CCNY: variants seen among roughly 807,000 people sequenced by gnomAD.
CCNY encodes cyclin Y, also known as cyclin-Y.
In CCNY, 19 loss-of-function variants were observed where a neutral mutation model predicts 42.8. That is an observed-to-expected ratio of 0.44 (90% CI 0.31 to 0.65). The LOEUF is 0.65. Among genes scored for constraint, CCNY ranks in the 30% least tolerant of loss-of-function variants. The pLI is 0.07. For synonymous variants in CCNY, 165 were observed against 162.7 expected (o/e 1.01, Z -0.11); for missense variants, 370 against 437.3 (o/e 0.85, Z 1.37).
At chr10:35,294,577 T>G (rs1835449420) in intron 3 of CCNY, among the ~76,000 whole-genome samples, 1 of 152,258 alleles carries the variant, frequency 6.6e-6, no homozygotes, top group African/African-American at 2.4e-5. Context: ...GATCTTCAGA[T>G]GTTAAACCAC....
chr10:35,399,871 T>G (rs921879537), intron 1 of CCNY, among the ~76,000 whole-genome samples: 1 of 152,182 alleles, frequency 6.6e-6, no homozygotes, highest in African/African-American at 2.4e-5. Flanking sequence ...TCCTGTAGAT[T>G]GGAGATGTTC....
intron 7 of CCNY, among the ~76,000 whole-genome samples, chr10:35,547,836 A>C (rs1841148981): frequency 1.3e-5 from 2 of 152,150 alleles, no homozygotes; most frequent in African/African-American, 4.8e-5. Flanking sequence ...CAGGCTTCCT[A>C]TCCAGGGAAG....
intron 1 of CCNY, among the ~76,000 whole-genome samples, chr10:35,352,570 G>A (rs952699568): frequency 9.5e-4 from 144 of 152,298 alleles, no homozygotes; most frequent in Middle Eastern, 3.4e-3. Context: ...TCTTCAGTAG[G>A]TCAACAACCA....
At chr10:35,496,726 A>G (rs1489542587) in intron 2 of CCNY, among the ~76,000 whole-genome samples, 1 of 152,224 alleles carries the variant, frequency 6.6e-6, no homozygotes, top group Non-Finnish European at 1.5e-5. Flanking sequence ...TTAAATGCCT[A>G]CCTATGACAG....
chr10:35,434,351 T>C (rs1482739349), intron 1 of CCNY: 1 of 152,238 alleles, frequency 6.6e-6, no homozygotes, highest in Non-Finnish European at 1.5e-5. Flanking sequence ...ACAAATGCGT[T>C]ATGACCCTGA....
intron 2 of CCNY, among the ~76,000 whole-genome samples, chr10:35,495,364 C>T (rs1159903046): frequency 2.0e-5 from 3 of 152,190 alleles, no homozygotes; most frequent in Non-Finnish European, 4.4e-5. Flanking sequence ...TAGATATTCT[C>T]TGTGAGAAAC....
intron 4 of CCNY, among the ~76,000 whole-genome samples, chr10:35,518,170 CACTT>C (rs1332197406): frequency 6.6e-6 from 1 of 152,224 alleles, no homozygotes; most frequent in Non-Finnish European, 1.5e-5. Context: ...GTGACACAGA[CACTT>C]AGGAGCCTAG....
chr10:35,546,306 A>G (rs1841115570), intron 7 of CCNY, among the ~76,000 whole-genome samples: 1 of 152,190 alleles, frequency 6.6e-6, no homozygotes, highest in Admixed American at 6.5e-5. Flanking sequence ...CAATTCCACA[A>G]GTTTTATCCC....
At chr10:35,260,665 T>A (rs2090465708) in intron 3 of CCNY, among the ~76,000 whole-genome samples, 1 of 152,226 alleles carries the variant, frequency 6.6e-6, no homozygotes, top group South Asian at 2.1e-4. Flanking sequence ...CCAGTTAACA[T>A]TGCCAGGCAG....
chr10:35,519,784 T>TTTTC (rs1840509011), intron 4 of CCNY, among the ~76,000 whole-genome samples: 1 of 133,026 alleles, frequency 7.5e-6, no homozygotes, highest in Non-Finnish European at 1.6e-5. Context: ...TTCTTTTTTT[T>TTTTC]TTTTTTTTTT....
chr10:35,283,586 G>A (rs1835321426), intron 3 of CCNY, among the ~76,000 whole-genome samples: 1 of 152,008 alleles, frequency 6.6e-6, no homozygotes, highest in South Asian at 2.1e-4. Context: ...TGTATTTTTA[G>A]TAGAGATGGG....
intron 2 of CCNY, among the ~76,000 whole-genome samples, chr10:35,248,509 G>T (rs909359646): frequency 6.6e-6 from 1 of 152,108 alleles, no homozygotes; most frequent in Non-Finnish European, 1.5e-5. Flanking sequence ...AGCTGGGCAT[G>T]GTCGTGCATG....
chr10:35,542,314 G>A (rs1189766570), intron 7 of CCNY, among the ~76,000 whole-genome samples: 1 of 151,528 alleles, frequency 6.6e-6, no homozygotes, highest in Non-Finnish European at 1.5e-5. Flanking sequence ...AAATAACAAA[G>A]GTAAAGCACC....
At chr10:35,273,624 C>G (rs1835200466) in intron 3 of CCNY, among the ~76,000 whole-genome samples, 1 of 152,088 alleles carries the variant, frequency 6.6e-6, no homozygotes, top group Non-Finnish European at 1.5e-5. Context: ...AAACTGTGAC[C>G]TGGTGGATTT....
chr10:35,523,514 T>C lies in CCNY; in HGVS notation c.366-2450T>C, dbSNP rs1840591045. 2.6e-5 allele frequency among the ~76,000 whole-genome samples: 4 copies of C among 152,270 alleles called. No individual in the cohort carries two copies. In the South Asian group the frequency reaches 8.3e-4, roughly 32 times the overall value. ...GAGCTGTACTGTGCCTGAACCCTCA[T>C]CCTGGTGGTCTCACTTCTGGGATAT... On this transcript the variant is annotated intron_variant, in intron 4 of 9. Transcript: ENST00000374704.
intron 3 of CCNY, among the ~76,000 whole-genome samples, chr10:35,260,529 A>T (rs1165913184): frequency 6.6e-6 from 1 of 152,202 alleles, no homozygotes; most frequent in Admixed American, 6.6e-5. Context: ...TATGGGTTTC[A>T]CCCTAAGAAA....
intron 3 of CCNY, among the ~76,000 whole-genome samples, chr10:35,278,197 A>G (rs922693674): frequency 1.3e-5 from 2 of 152,110 alleles, no homozygotes; most frequent in African/African-American, 4.8e-5. Flanking sequence ...TCATCCTATC[A>G]TTAGGGACTG....
chr10:35,256,365 T>C (rs1216121423), intron 3 of CCNY, among the ~76,000 whole-genome samples: 2 of 152,176 alleles, frequency 1.3e-5, no homozygotes, highest in Non-Finnish European at 2.9e-5. Flanking sequence ...TCTGCAACTA[T>C]TTTCTCTGGT....
chr10:35,460,754 G>A (rs146017992), intron 1 of CCNY, among the ~76,000 whole-genome samples: 6 of 152,280 alleles, frequency 3.9e-5, no homozygotes, highest in African/African-American at 7.2e-5. Context: ...CCTATGGCAC[G>A]GCACAGTATC....
Sources: gnomAD v4.1 joint callset for allele counts (sites outside exome capture counted in the v4.1 genomes callset) on GRCh38, gnomAD v4.1.1 for gene constraint, MANE v1.5 for transcripts, NCBI Gene and HGNC (gene_info 2026-07-23, HGNC 2026-07-21) for gene names.